The following VPS39 variants were observed in gnomAD, a reference collection of about 807,000 sequenced individuals.
VPS39 encodes VPS39 subunit of HOPS complex.
Under a neutral mutation model 121.0 loss-of-function variants are expected in VPS39, and 70 were observed. That is an observed-to-expected ratio of 0.58 (90% CI 0.48 to 0.71). VPS39 has a LOEUF of 0.71. Among genes scored for constraint, VPS39 ranks in the 30% least tolerant of loss-of-function variants. The pLI, the probability that VPS39 is intolerant of heterozygous loss-of-function variation, is 0.00. For missense variants in VPS39, 818 were observed against 1,051.5 expected (o/e 0.78, Z 3.07); for synonymous variants, 378 against 398.1 (o/e 0.95, Z 0.60).
intron 19 of VPS39, 33 bp downstream of exon 19, chr15:42,164,325 G>T: frequency 6.2e-7 from 1 of 1,613,302 alleles, no homozygotes; most frequent in Non-Finnish European, 8.5e-7. Flanking sequence ...GACCTTCGCT[G>T]AAGTGGCTTC....
At chr15:42,164,332 C>T (rs766950116) in intron 19 of VPS39, 26 bp downstream of exon 19, 1 of 1,613,642 alleles carries the variant, frequency 6.2e-7, no homozygotes. Context: ...GCTGAAGTGG[C>T]TTCTGGCCCT....
In VPS39 at chr15:42,200,002, A is replaced by C. The variant is rs75991166; in HGVS notation, c.74-41T>G. 1.2e-5 allele frequency: 19 copies of C among 1,541,936 alleles called. No homozygotes were observed. In the South Asian group the frequency reaches 1.6e-4, roughly 13 times the overall value. Reference sequence around the variant, plus strand: ...AAAACAAAAACAAAAACAAAAAAAAACCAGCTTTGAGAAAGGTCAATCAGC... The same window carrying C: ...AAAACAAAAACAAAAACAAAAAAAACCCAGCTTTGAGAAAGGTCAATCAGC... On this transcript the variant is annotated intron_variant, in intron 1 of 24. Coordinates refer to ENST00000318006, the MANE Select transcript of VPS39 (RefSeq NM_015289.5).
chr15:42,159,423 G>A lies in VPS39; in HGVS notation c.*1331C>T, dbSNP rs1328418224. ...ACTTCGAGTCTGCAAAAACCCCGGG[G>A]AGGACAGGAGGCAGGGCCACTCTCC... On this transcript the variant is annotated 3_prime_UTR_variant, in exon 25 of 25. Transcript: ENST00000318006. The A allele has an allele frequency of 1.3e-5, 2 of 152,276 alleles. No homozygotes were observed. The highest frequency in any genetic ancestry group is 2.9e-5 in the Non-Finnish European group (2 of 68,110). The allele number at this position is 152,276 out of a possible 1,614,324, so 9.4% of individuals were successfully genotyped here.
chr15:42,185,561 A>G (rs1292991527), intron 7 of VPS39, among the ~76,000 whole-genome samples: 5 of 152,232 alleles, frequency 3.3e-5, no homozygotes, highest in Non-Finnish European at 4.4e-5. Context: ...ATGAGAAAGA[A>G]TAAACTATTA....
At chr15:42,174,682 G>A (rs901194674) in intron 10 of VPS39, among the ~76,000 whole-genome samples, 3 of 152,088 alleles carry the variant, frequency 2.0e-5, no homozygotes, top group South Asian at 2.1e-4. Flanking sequence ...GAGACATAAC[G>A]GATGAGTTGG....
intron 7 of VPS39, among the ~76,000 whole-genome samples, chr15:42,185,560 A>G (rs1345859178): frequency 1.3e-5 from 2 of 152,364 alleles, no homozygotes; most frequent in East Asian, 1.9e-4. Context: ...CATGAGAAAG[A>G]ATAAACTATT....
intron 2 of VPS39, among the ~76,000 whole-genome samples, chr15:42,199,337 C>T (rs2050014718): frequency 1.3e-5 from 2 of 152,086 alleles, no homozygotes; most frequent in South Asian, 2.1e-4. Flanking sequence ...ACAGTTTCTT[C>T]GAGCCTATTA....
chr15:42,196,721 T>C (rs2049948034), intron 2 of VPS39, among the ~76,000 whole-genome samples: 1 of 152,200 alleles, frequency 6.6e-6, no homozygotes, highest in African/African-American at 2.4e-5. Context: ...TTTACACTGT[T>C]GGTGGGACTG....
At position 42,159,459 on chromosome 15, in the gene VPS39, T is replaced by G. The variant is rs1351446925; in HGVS notation, c.*1295A>C. 1 of 152,296 alleles carries G rather than the reference T, an allele frequency of 6.6e-6. No homozygotes were observed. The highest frequency in any genetic ancestry group is 2.1e-4 in the South Asian group (1 of 4,830). The allele number at this position is 152,296 out of a possible 1,614,324, so 9.4% of individuals were successfully genotyped here. On this transcript the variant is annotated 3_prime_UTR_variant, in exon 25 of 25. Coordinates refer to ENST00000318006, the MANE Select transcript of VPS39 (RefSeq NM_015289.5). ...GCAGGGCCACTCTCCCTGTGTGTCA[T>G]CAGCCTGCAGTGCCTGAAACTCCAG...
chr15:42,206,420 G>A (rs184614466), intron 1 of VPS39, among the ~76,000 whole-genome samples: 9 of 152,262 alleles, frequency 5.9e-5, no homozygotes, highest in Admixed American at 4.6e-4. Flanking sequence ...TCTCCTGTTC[G>A]GTGGGTGATC....
At position 42,162,099 on chromosome 15, in the gene VPS39, T is replaced by C. The variant is rs2049140375; in HGVS notation, c.2393A>G (p.Glu798Gly). ...DIRIFLEKVL[E>G]ENAQKKRFNQ... Reference sequence around the variant, plus strand: ...GAACCGTTTCTTTTGTGCATTTTCTTCCAAGACCTTTTCCAGGAAGATGCG... The same window carrying C: ...GAACCGTTTCTTTTGTGCATTTTCTCCCAAGACCTTTTCCAGGAAGATGCG... Residue 798 changes from glutamate to glycine, a missense_variant, in exon 23 of 25, where the codon GAA becomes GGA. Physicochemically the swap from Glu to Gly is moderately conservative, Grantham distance 98. Coordinates refer to ENST00000318006, the MANE Select transcript of VPS39 (RefSeq NM_015289.5). The C allele has an allele frequency of 1.2e-6, 2 of 1,614,096 alleles. No individual in the cohort carries two copies. Among genetic ancestry groups the C allele is most frequent in the Non-Finnish European group, 1.7e-6 (2 of 1,180,044 alleles).
chr15:42,194,959 G>A (rs1040753449), intron 2 of VPS39, among the ~76,000 whole-genome samples: 3 of 149,768 alleles, frequency 2.0e-5, no homozygotes, highest in South Asian at 2.1e-4. Flanking sequence ...AACAAAAAAC[G>A]AAATGTTTTA....
intron 1 of VPS39, 75 bp from the exon 2 acceptor site, chr15:42,200,036 A>G: frequency 7.2e-7 from 1 of 1,387,888 alleles, no homozygotes; most frequent in Non-Finnish European, 9.4e-7. Context: ...GCTTGAGTAT[A>G]ACCCTATTTT....
intron 8 of VPS39, among the ~76,000 whole-genome samples, chr15:42,181,711 CTT>C (rs765125799): frequency 6.9e-6 from 1 of 145,614 alleles, no homozygotes. Context: ...TCTAATTATC[CTT>C]TTTTTTTTTT....
chr15:42,198,261 G>A (rs1566910392), intron 2 of VPS39, among the ~76,000 whole-genome samples: 1 of 152,132 alleles, frequency 6.6e-6, no homozygotes, highest in East Asian at 1.9e-4. Flanking sequence ...AATAAGATAA[G>A]CATTTTTAGC....
rs181335309 is a variant in VPS39 at position 42,198,066 on chromosome 15, A to G, written c.139+1830T>C. 1.9e-4 allele frequency among the ~76,000 whole-genome samples: 29 copies of G among 152,338 alleles called. 2 individuals are homozygous for G. The highest frequency in any genetic ancestry group is 4.1e-4 in the Non-Finnish European group (28 of 68,024). ...CATTAACTAATTTGTCAAAGGTGAC[A>G]TGATAAAATGATCATAGGGCAAGGA... On this transcript the variant is annotated intron_variant, in intron 2 of 24. Transcript: ENST00000318006.
Position 42,164,642 on chromosome 15 carries a change from C to T in VPS39, c.1898-156G>A, listed in dbSNP as rs2049206441. ...ATGCTAACTTCTTTTAGTTCATAGT[C>T]TCCATGTGGCCCCAAAACATCAGCT... On this transcript the variant is annotated intron_variant, in intron 18 of 24. Coordinates refer to ENST00000318006, the MANE Select transcript of VPS39 (RefSeq NM_015289.5). The T allele has an allele frequency of 4.2e-6, 6 of 1,440,904 alleles. No individual in the cohort carries two copies. In the Admixed American group the frequency reaches 1.7e-4, roughly 41 times the overall value. 89.3% of individuals were successfully genotyped at this position (1,440,904 alleles called of 1,614,324 possible).
intron 8 of VPS39, among the ~76,000 whole-genome samples, chr15:42,183,294 G>T (rs2049626443): frequency 6.6e-6 from 1 of 151,648 alleles, no homozygotes; most frequent in Non-Finnish European, 1.5e-5. Context: ...TTGAGACGGG[G>T]TTTCACCATG....
chr15:42,202,338 T>C (rs57393446), intron 1 of VPS39, among the ~76,000 whole-genome samples: 17,672 of 152,220 alleles, frequency 0.12, 1,575 homozygotes, highest in African/African-American at 0.22. Flanking sequence ...AAAAAAAATG[T>C]TGAAATCAGA....
Sources: gnomAD v4.1 joint callset for allele counts (sites outside exome capture counted in the v4.1 genomes callset) on GRCh38, gnomAD v4.1.1 for gene constraint, MANE v1.5 for transcripts, NCBI Gene and HGNC (gene_info 2026-07-23, HGNC 2026-07-21) for gene names.